KRT38: variants seen among roughly 807,000 people sequenced by gnomAD.
The protein encoded by KRT38 is keratin 38.
KRT38 carries 45 observed loss-of-function variants against 43.1 expected under a neutral mutation model. The ratio of observed to expected loss-of-function variants is 1.04; its 90% CI spans 0.82 to 1.34. KRT38 has a LOEUF of 1.34. KRT38 is among the 40% of genes most tolerant of loss of function. The pLI, the probability that KRT38 is intolerant of heterozygous loss-of-function variation, is 0.00. For synonymous variants in KRT38, 258 were observed against 244.0 expected, an observed-to-expected ratio of 1.06 and a Z score of -0.53; for missense variants, 627 against 586.2, an observed-to-expected ratio of 1.07 and a Z score of -0.72.
intron 2 of KRT38, among the ~76,000 whole-genome samples, chr17:41,439,793 C>A (rs1269385465): frequency 6.6e-6 from 1 of 152,090 alleles, no homozygotes. Flanking sequence ...ATACCTGGTA[C>A]CTTAGGGCTC....
chr17:41,439,396 C>T lies in KRT38; in HGVS notation c.576-37G>A, dbSNP rs750733944. On this transcript the variant is annotated intron_variant, in intron 2 of 6. Transcript: ENST00000246646. ...GGAGGTACAGGGTCAAAAAGAATGC[C>T]CCCAAGAGCCCCTCTCGGCTGCCCT... 6 of 1,602,794 alleles carry T rather than the reference C, an allele frequency of 3.7e-6. No homozygotes were observed. The Admixed American group carries it at 6.8e-5, about 18-fold the overall frequency.
chr17:41,438,486 C>G lies in KRT38; in HGVS notation c.1020+5G>C, dbSNP rs200583404. On this transcript the variant is annotated splice_donor_5th_base_variant and intron_variant, in intron 5 of 6. Coordinates refer to ENST00000246646, the MANE Select transcript of KRT38 (RefSeq NM_006771.4). ...TGCAGTGCAGTGAGAGTGAAGGACA[C>G]GTACCAAGGTGTGCTGGGCTTGGCG... 5.0e-6 allele frequency: 8 copies of G among 1,614,228 alleles called. No individual in the cohort carries two copies. The highest frequency in any genetic ancestry group is 6.8e-6 in the Non-Finnish European group (8 of 1,180,026).
At position 41,438,118 on chromosome 17, in the gene KRT38, T is replaced by G. The variant is rs1478691446; in HGVS notation, c.1216A>C (p.Asn406His). 2 of 1,614,056 alleles carry G rather than the reference T, an allele frequency of 1.2e-6. No homozygotes were observed. Among genetic ancestry groups the G allele is most frequent in the Non-Finnish European group, 8.5e-7 (1 of 1,180,038 alleles). ...TTGCAGTCCTCGCTTTCCAGAAGGT[T>G]CCGGTACGTGGCAATCTCATTCTCC... ...RLENEIATYR[N>H]LLESEDCKLP... is the part of the protein sequence containing the mutation. The change falls in exon 6 of 7, where the codon AAC becomes CAC. Residue 406 changes from asparagine (N) to histidine (H), a missense_variant. Transcript: ENST00000246646.
At chr17:41,437,645 A>G in intron 6 of KRT38, 104 bp from the exon 7 acceptor site, 1 of 1,247,760 alleles carries the variant, frequency 8.0e-7, no homozygotes, top group Non-Finnish European at 1.1e-6. Flanking sequence ...ACAACAGAAC[A>G]TGGACCCAGC....
Position 41,438,084 on chromosome 17 carries a change from C to G in KRT38, c.1241+9G>C. ...TAATTTGGCCAGGAATTGCCCAGAT[C>G]ACACGTACTTGCAGTCCTCGCTTTC... On this transcript the variant is annotated intron_variant, in intron 6 of 6. Coordinates refer to ENST00000246646, the MANE Select transcript of KRT38 (RefSeq NM_006771.4). The G allele has an allele frequency of 6.2e-7, 1 of 1,613,456 alleles. No individual in the cohort carries two copies. The highest frequency in any genetic ancestry group is 1.3e-5 in the African/African-American group (1 of 75,036).
At chr17:41,438,652 A>C (rs368580686) in intron 4 of KRT38, 36 bp from the exon 5 acceptor site, 6 of 1,610,568 alleles carry the variant, frequency 3.7e-6, no homozygotes, top group Non-Finnish European at 5.1e-6. Flanking sequence ...CTCCCTGCCC[A>C]GATGGAGGCC....
Position 41,440,538 on chromosome 17 carries a change from C to G in KRT38, c.384G>C (p.Glu128Asp). ...YLEKVRQLEQENAELEATLLE... is the reference protein window; with the variant it reads ...YLEKVRQLEQDNAELEATLLE... ...GGAGTGTGGCCTCCAGCTCCGCATT[C>G]TCCTGCTCCAGCTGGCGCACCTTCT... The change falls in exon 1 of 7, where the codon GAG (glutamate) becomes GAC (aspartate). Residue 128 changes from glutamate (E) to aspartate (D), a missense_variant. Coordinates refer to ENST00000246646, the MANE Select transcript of KRT38 (RefSeq NM_006771.4). 1 of 1,614,268 alleles carries G rather than the reference C, an allele frequency of 6.2e-7. No homozygotes were observed. The highest frequency in any genetic ancestry group is 8.5e-7 in the Non-Finnish European group (1 of 1,180,050).
At position 41,440,777 on chromosome 17, in the gene KRT38, C is replaced by A; in HGVS notation, c.145G>T (p.Val49Leu). The A allele has an allele frequency of 6.2e-7, 1 of 1,613,292 alleles. No individual in the cohort carries two copies. The highest frequency in any genetic ancestry group is 8.5e-7 in the Non-Finnish European group (1 of 1,179,512). The change falls in exon 1 of 7, where the codon GTG becomes TTG. Residue 49 changes from valine (V) to leucine (L), a missense_variant. Val to Leu is a conservative substitution (Grantham distance 32, BLOSUM62 1). Transcript: ENST00000246646. ...NIAPMCLLAN[V>L]AHANRVRVGS... ...ACACGGACTCGGTTGGCATGTGCCA[C>A]GTTGGCCAAAAGGCACATGGGGGCA...
chr17:41,437,360 T>A lies in KRT38; in HGVS notation c.*52A>T. The A allele has an allele frequency of 6.8e-7, 1 of 1,474,024 alleles. No homozygotes were observed. Among genetic ancestry groups the A allele is most frequent in the Non-Finnish European group, 9.0e-7 (1 of 1,115,950 alleles). 91.3% of individuals were successfully genotyped at this position (1,474,024 alleles called of 1,614,324 possible). ...AGATTTTCTAAAGGTATAACAAGCATCTCTCTTTGGGTATCCCTCGCCTTA... is the reference window on the plus strand; with the variant it reads ...AGATTTTCTAAAGGTATAACAAGCAACTCTCTTTGGGTATCCCTCGCCTTA... On this transcript the variant is annotated 3_prime_UTR_variant, in exon 7 of 7. Coordinates refer to ENST00000246646, the MANE Select transcript of KRT38 (RefSeq NM_006771.4).
Position 41,439,209 on chromosome 17 carries a change from G to T in KRT38, c.726C>A (p.His242Gln), listed in dbSNP as rs761707242. The stretch of plus-strand genomic sequence containing the variant: ...TGAGCGCCCAGGGCCACACCTGCTC[G>T]TGGTTGCTCTTGAGGGAGAGCTGCT... Reference protein sequence around the residue: ...KEEQLSLKSNHEQEVKILRSQ... With the variant: ...KEEQLSLKSNQEQEVKILRSQ... The change falls in exon 3 of 7, where the codon CAC (histidine) becomes CAA (glutamine). Residue 242 changes from histidine (H) to glutamine (Q), a missense_variant. Physicochemically the swap from His to Gln is conservative, Grantham distance 24 (BLOSUM62 0). Coordinates refer to ENST00000246646, the MANE Select transcript of KRT38 (RefSeq NM_006771.4). 2 of 1,613,830 alleles carry T rather than the reference G, an allele frequency of 1.2e-6. No individual in the cohort carries two copies. Among genetic ancestry groups the T allele is most frequent in the East Asian group, 2.2e-5 (1 of 44,880 alleles).
chr17:41,438,061 A>G (rs998724980), intron 6 of KRT38, 32 bp downstream of exon 6: 46 of 1,607,226 alleles, frequency 2.9e-5, no homozygotes, highest in Non-Finnish European at 3.9e-5. Flanking sequence ...TGAGTAAATA[A>G]TTTGGCCAGG....
chr17:41,438,847 A>C lies in KRT38; in HGVS notation c.744T>G (p.Ile248Met), dbSNP rs754078456. The C allele has an allele frequency of 6.2e-7, 1 of 1,613,952 alleles. No homozygotes were observed. The highest frequency in any genetic ancestry group is 8.5e-7 in the Non-Finnish European group (1 of 1,179,994). Residue 248 changes from isoleucine (I) to methionine (M), a missense_variant, in exon 4 of 7, where the codon ATT (isoleucine) becomes ATG (methionine). Physicochemically the swap from Ile to Met is conservative, Grantham distance 10 (BLOSUM62 1). Coordinates refer to ENST00000246646, the MANE Select transcript of KRT38 (RefSeq NM_006771.4). ...GCTTCTCCCCCAGCTGACTCCTCAG[A>C]ATCTTTACTTCCTGCAGAAGGGAGG... ...LKSNHEQEVK[I>M]LRSQLGEKLR... is the part of the protein sequence containing the mutation.
intron 1 of KRT38, 51 bp from the exon 2 acceptor site, chr17:41,440,294 C>T (rs1481491666): frequency 6.2e-7 from 1 of 1,608,800 alleles, no homozygotes; most frequent in African/African-American, 1.3e-5. Flanking sequence ...GCCCTAGGCT[C>T]CTTCTCCACG....
Position 41,439,197 on chromosome 17 carries a change from C to T in KRT38, c.732+6G>A. ...TCCCCAGGAGTTTGAGCGCCCAGGG[C>T]CACACCTGCTCGTGGTTGCTCTTGA... On this transcript the variant is annotated splice_donor_region_variant and intron_variant, in intron 3 of 6. Coordinates refer to ENST00000246646, the MANE Select transcript of KRT38 (RefSeq NM_006771.4). 6.2e-7 allele frequency: 1 copy of T among 1,612,978 alleles called. No homozygotes were observed. The highest frequency in any genetic ancestry group is 8.5e-7 in the Non-Finnish European group (1 of 1,179,524).
At position 41,438,157 on chromosome 17, in the gene KRT38, C is replaced by G. The variant is rs564375775; in HGVS notation, c.1177G>C (p.Val393Leu). The change falls in exon 6 of 7, where the codon GTG becomes CTG. Residue 393 changes from valine to leucine, a missense_variant. Val to Leu is a conservative substitution (Grantham distance 32, BLOSUM62 1). Coordinates refer to ENST00000246646, the MANE Select transcript of KRT38 (RefSeq NM_006771.4). Reference protein sequence around the residue: ...QNQEYQVLLDVKTRLENEIAT... With the variant: ...QNQEYQVLLDLKTRLENEIAT... ...ATCTCATTCTCCAGCCGGGTCTTCA[C>G]GTCCAGCAGCACCTGGTACTCCTGG... The G allele has an allele frequency of 1.9e-6, 3 of 1,614,164 alleles. No individual in the cohort carries two copies. Among genetic ancestry groups the G allele is most frequent in the Admixed American group, 1.7e-5 (1 of 60,016 alleles).
At position 41,438,685 on chromosome 17, in the gene KRT38, C is replaced by CG; in HGVS notation, c.894+11_894+12insC. ...GCCAGGTACCCCCTGGTTCTATACC[C>CG]CCCCCACTCACCTGGGCTTGGAACC... On this transcript the variant is annotated intron_variant, in intron 4 of 6. Transcript: ENST00000246646. 6.2e-7 allele frequency: 1 copy of CG among 1,612,948 alleles called. No individual in the cohort carries two copies. Among genetic ancestry groups the CG allele is most frequent in the Non-Finnish European group, 8.5e-7 (1 of 1,179,186 alleles).
chr17:41,437,970 G>T, intron 6 of KRT38, 123 bp downstream of exon 6: 1 of 903,726 alleles, frequency 1.1e-6, no homozygotes, highest in South Asian at 1.6e-5. Context: ...ACAGGGCAAC[G>T]ACTCACTGAA....
intron 2 of KRT38, 85 bp downstream of exon 2, chr17:41,440,076 A>T: frequency 9.2e-7 from 1 of 1,090,062 alleles, no homozygotes; most frequent in African/African-American, 1.5e-5. Flanking sequence ...AAGAAATGAC[A>T]ATGATTCCCT....
chr17:41,439,977 T>C (rs1486787661), intron 2 of KRT38, among the ~76,000 whole-genome samples, 184 bp downstream of exon 2: 3 of 152,202 alleles, frequency 2.0e-5, no homozygotes, highest in Non-Finnish European at 4.4e-5. Context: ...AAGACAAACA[T>C]ATATGCTTGG....
Sources: gnomAD v4.1 joint callset for allele counts (sites outside exome capture counted in the v4.1 genomes callset) on GRCh38, gnomAD v4.1.1 for gene constraint, MANE v1.5 for transcripts, NCBI Gene and HGNC (gene_info 2026-07-23, HGNC 2026-07-21) for gene names.